FBXO21: variants seen among roughly 807,000 people sequenced by gnomAD.
FBXO21 encodes F-box only protein 21.
A neutral mutation model predicts 76.6 loss-of-function variants in FBXO21; 32 were observed. The observed-to-expected ratio is 0.42, with a 90% CI of 0.32 to 0.56. FBXO21 has a LOEUF of 0.56. FBXO21 is among the 20% of genes least tolerant of loss of function. The pLI, the probability that FBXO21 is intolerant of heterozygous loss-of-function variation, is 0.16. For missense variants in FBXO21, 586 were observed against 797.3 expected (o/e 0.73, Z 3.19); for synonymous variants, 328 against 311.5 (o/e 1.05, Z -0.56).
intron 8 of FBXO21, 83 bp from the exon 9 acceptor site, chr12:117,165,700 A>G: frequency 7.3e-7 from 1 of 1,367,316 alleles, no homozygotes; most frequent in East Asian, 2.3e-5. Flanking sequence ...GGTTTTAAAT[A>G]TAATTGACAC....
At chr12:117,164,274 C>CTTTTTTTTTT (rs538169408) in intron 9 of FBXO21, among the ~76,000 whole-genome samples, 20 of 126,832 alleles carry the variant, frequency 1.6e-4, no homozygotes, top group East Asian at 7.1e-4. Context: ...CTTTTCTTTT[C>CTTTTTTTTTT]TTTTTTTTTT....
At position 117,166,850 on chromosome 12, in the gene FBXO21, TA is replaced by T. The variant is rs765883217; in HGVS notation, c.1193+47del. ...ACATCTCAAACACAATTCAAGCCTC[TA>T]AAGACATGTGCTCTGCAGAAGTACT... is the stretch of plus-strand genomic sequence containing the variant. On this transcript the variant is annotated intron_variant, in intron 8 of 11. Coordinates refer to ENST00000622495, the MANE Select transcript of FBXO21 (RefSeq NM_015002.3). The T allele has an allele frequency of 5.8e-5, 90 of 1,545,936 alleles. No homozygotes were observed. In the Admixed American group the frequency reaches 1.5e-3, roughly 26 times the overall value.
intron 3 of FBXO21, among the ~76,000 whole-genome samples, chr12:117,183,698 C>G (rs764777205): frequency 3.9e-5 from 6 of 152,240 alleles, no homozygotes; most frequent in Non-Finnish European, 8.8e-5. Context: ...CGTTCATGCT[C>G]TCTTGGCCAT....
intron 9 of FBXO21, among the ~76,000 whole-genome samples, chr12:117,163,225 C>A (rs1956005742): frequency 6.6e-6 from 1 of 152,240 alleles, no homozygotes; most frequent in African/African-American, 2.4e-5. Flanking sequence ...ATTTAACTAT[C>A]AAATTTACAT....
intron 9 of FBXO21, among the ~76,000 whole-genome samples, chr12:117,162,132 T>C (rs929510757): frequency 2.6e-5 from 4 of 152,150 alleles, no homozygotes; most frequent in Non-Finnish European, 2.9e-5. Context: ...CAGGGAGTGC[T>C]TTTTGTTTTT....
At chr12:117,162,837 C>A (rs1955998548) in intron 9 of FBXO21, among the ~76,000 whole-genome samples, 1 of 152,240 alleles carries the variant, frequency 6.6e-6, no homozygotes, top group Non-Finnish European at 1.5e-5. Flanking sequence ...GCAGGCGCCA[C>A]ACCCTCCCAC....
chr12:117,180,424 TGGCACTTCTAATTC>T (rs1475551390), intron 3 of FBXO21, among the ~76,000 whole-genome samples: 4 of 152,254 alleles, frequency 2.6e-5, no homozygotes, highest in Non-Finnish European at 5.9e-5. Flanking sequence ...GAGTTCACAC[TGGCACTTCTAATTC>T]AAAAATATAT....
chr12:117,167,156 G>A, intron 7 of FBXO21, 79 bp from the exon 8 acceptor site: 2 of 1,088,726 alleles, frequency 1.8e-6, no homozygotes, highest in Non-Finnish European at 2.7e-6. Flanking sequence ...CTCAAATCAT[G>A]GGCTGAAGGT....
At chr12:117,155,574 G>T in intron 11 of FBXO21, 1 of 604,422 alleles carries the variant, frequency 1.7e-6, no homozygotes, top group Non-Finnish European at 2.9e-6. Context: ...GAGGCCCTGG[G>T]GGAGGGCGGG....
At chr12:117,183,776 A>G (rs1956257853) in intron 3 of FBXO21, among the ~76,000 whole-genome samples, 1 of 152,122 alleles carries the variant, frequency 6.6e-6, no homozygotes, top group African/African-American at 2.4e-5. Context: ...CCCTTAGACT[A>G]TACAAAGTCT....
chr12:117,169,382 T>C (rs1419811844), intron 7 of FBXO21, among the ~76,000 whole-genome samples: 1 of 152,064 alleles, frequency 6.6e-6, no homozygotes, highest in Admixed American at 6.6e-5. Flanking sequence ...AATACCTGCA[T>C]GAAATAATCT....
At chr12:117,182,727 TA>T (rs1439348563) in intron 3 of FBXO21, among the ~76,000 whole-genome samples, 1 of 151,988 alleles carries the variant, frequency 6.6e-6, no homozygotes, top group Non-Finnish European at 1.5e-5. Flanking sequence ...CATGCCCAGC[TA>T]ATTTTTGTAT....
At chr12:117,189,546 C>A (rs917512694) in intron 1 of FBXO21, among the ~76,000 whole-genome samples, 184 bp from the exon 2 acceptor site, 1 of 151,992 alleles carries the variant, frequency 6.6e-6, no homozygotes, top group Admixed American at 6.6e-5. Flanking sequence ...CTTGGCGTAG[C>A]GGCATGAATG....
chr12:117,181,279 T>C (rs1323649873), intron 3 of FBXO21, among the ~76,000 whole-genome samples: 1 of 152,252 alleles, frequency 6.6e-6, no homozygotes, highest in African/African-American at 2.4e-5. Flanking sequence ...TTTGGCTGGA[T>C]ATAAAAATCC....
intron 11 of FBXO21, among the ~76,000 whole-genome samples, chr12:117,152,101 A>G (rs1340275374): frequency 6.6e-6 from 1 of 151,684 alleles, no homozygotes; most frequent in Non-Finnish European, 1.5e-5. Context: ...ATCAGGACTC[A>G]GACTTCACTC....
At chr12:117,166,727 T>C (rs1956057634) in intron 8 of FBXO21, among the ~76,000 whole-genome samples, 171 bp downstream of exon 8, 1 of 152,210 alleles carries the variant, frequency 6.6e-6, no homozygotes, top group African/African-American at 2.4e-5. Flanking sequence ...ATATCTTTCC[T>C]AGTCTAAGAT....
chr12:117,166,579 T>C (rs1956056207), intron 8 of FBXO21, among the ~76,000 whole-genome samples: 1 of 152,246 alleles, frequency 6.6e-6, no homozygotes, highest in South Asian at 2.1e-4. Flanking sequence ...TACAACTTTC[T>C]ACTTTCCCTA....
chr12:117,153,502 G>A (rs972924045), intron 11 of FBXO21, among the ~76,000 whole-genome samples: 3 of 152,224 alleles, frequency 2.0e-5, no homozygotes, highest in Admixed American at 1.3e-4. Flanking sequence ...AGGTGGGCAC[G>A]GAGCCCAGAG....
intron 9 of FBXO21, 53 bp from the exon 10 acceptor site, chr12:117,158,116 CT>C: frequency 6.2e-7 from 1 of 1,607,082 alleles, no homozygotes; most frequent in South Asian, 1.1e-5. Flanking sequence ...TAGGCCTTTT[CT>C]TTTTTGCGGC....
Sources: gnomAD v4.1 joint callset for allele counts (sites outside exome capture counted in the v4.1 genomes callset) on GRCh38, gnomAD v4.1.1 for gene constraint, MANE v1.5 for transcripts, NCBI Gene and HGNC (gene_info 2026-07-23, HGNC 2026-07-21) for gene names.